SHROOM3: variants seen among roughly 807,000 people sequenced by gnomAD.
The protein encoded by SHROOM3 is shroom family member 3.
Under a neutral mutation model 138.6 loss-of-function variants are expected in SHROOM3, and 47 were observed. The observed-to-expected ratio is 0.34, with a 90% CI of 0.27 to 0.43. SHROOM3 has a LOEUF of 0.43. Among genes scored for constraint, SHROOM3 ranks in the 20% least tolerant of loss-of-function variants. The probability of loss-of-function intolerance (pLI) is 1.00; values close to 1 mark genes in which losing one functional copy is unlikely to be tolerated. For synonymous variants in SHROOM3, 1,062 were observed against 1,063.3 expected, an observed-to-expected ratio of 1.00 and a Z score of 0.02; for missense variants, 2,491 against 2,596.5, an observed-to-expected ratio of 0.96 and a Z score of 0.88.
chr4:76,752,045 C>A (rs376113149), intron 6 of SHROOM3, among the ~76,000 whole-genome samples: 3 of 152,160 alleles, frequency 2.0e-5, no homozygotes, highest in African/African-American at 7.2e-5. Context: ...TTCACAATAG[C>A]CAAGAGGTGG....
intron 2 of SHROOM3, chr4:76,689,035 T>C (rs1719417667): frequency 1.4e-6 from 1 of 722,306 alleles, no homozygotes; most frequent in East Asian, 1.3e-4. Context: ...TTACTAACTG[T>C]ATAGCCTCTG....
At chr4:76,647,867 C>G (rs778329145) in intron 2 of SHROOM3, among the ~76,000 whole-genome samples, 5 of 151,740 alleles carry the variant, frequency 3.3e-5, no homozygotes, top group South Asian at 2.1e-4. Flanking sequence ...AAGCTGCACC[C>G]CAGCCTGGGA....
chr4:76,510,693 G>T (rs1400308390), intron 1 of SHROOM3, among the ~76,000 whole-genome samples: 1 of 152,132 alleles, frequency 6.6e-6, no homozygotes, highest in East Asian at 1.9e-4. Flanking sequence ...GGCTTTTTCT[G>T]CCATGTACTT....
In SHROOM3 at chr4:76,768,809, C is replaced by T. The variant is rs1335531827; in HGVS notation, c.5350-1817C>T. On this transcript the variant is annotated intron_variant, in intron 9 of 10. Coordinates refer to ENST00000296043, the MANE Select transcript of SHROOM3 (RefSeq NM_020859.4). ...GATTACAGGCATGAGCCACTGCGCCCAGCCTGGATGTGAATTTTTTAGCCA... is the reference window on the plus strand; with the variant it reads ...GATTACAGGCATGAGCCACTGCGCCTAGCCTGGATGTGAATTTTTTAGCCA... Among the ~76,000 whole-genome samples the T allele has an allele frequency of 2.0e-5, 3 of 152,124 alleles. No individual in the cohort carries two copies. In the South Asian group the frequency reaches 6.2e-4, roughly 32 times the overall value.
chr4:76,647,063 A>C (rs1735837947), intron 2 of SHROOM3, among the ~76,000 whole-genome samples: 1 of 152,220 alleles, frequency 6.6e-6, no homozygotes, highest in Non-Finnish European at 1.5e-5. Context: ...CACATAGTGG[A>C]ATACTATTTG....
intron 2 of SHROOM3, among the ~76,000 whole-genome samples, chr4:76,561,567 A>T (rs1733596160): frequency 6.6e-6 from 1 of 151,960 alleles, no homozygotes; most frequent in African/African-American, 2.4e-5. Flanking sequence ...AGTGGCCAAA[A>T]TAAGAGTCTA....
At position 76,716,825 on chromosome 4, in the gene SHROOM3, G is replaced by A. The variant is rs542684117; in HGVS notation, c.455+6538G>A. Among the ~76,000 whole-genome samples the A allele has an allele frequency of 5.9e-5, 9 of 152,260 alleles. No homozygotes were observed. In the South Asian group the frequency reaches 1.2e-3, roughly 21 times the overall value. On this transcript the variant is annotated intron_variant, in intron 3 of 10. Transcript: ENST00000296043. ...CTTATGGGAATGGTTATATACCTAT[G>A]TACTAGTAGCCAAGTTCTCTATTCT... is the stretch of plus-strand genomic sequence containing the variant.
intron 2 of SHROOM3, among the ~76,000 whole-genome samples, chr4:76,561,747 C>T (rs1377223020): frequency 6.6e-6 from 1 of 150,558 alleles, no homozygotes; most frequent in Non-Finnish European, 1.5e-5. Flanking sequence ...TGGTGGCTCA[C>T]GTCTGTAATC....
chr4:76,553,752 C>T (rs983237938), intron 1 of SHROOM3, among the ~76,000 whole-genome samples: 3 of 152,102 alleles, frequency 2.0e-5, no homozygotes, highest in African/African-American at 7.2e-5. Context: ...CTGCCTCAGC[C>T]TCCCAAAGTG....
chr4:76,566,991 C>G (rs1052335762), intron 2 of SHROOM3, among the ~76,000 whole-genome samples: 2 of 152,192 alleles, frequency 1.3e-5, no homozygotes, highest in African/African-American at 2.4e-5. Context: ...TCTAGAGGCC[C>G]GTGCCGCTGT....
In SHROOM3 at chr4:76,608,673, T is replaced by TAGCATAGCATAGCATAGCATAGCAC. The variant is rs1734692965; in HGVS notation, c.323+52914_323+52915insTAGCATAGCATAGCATAGCACAGCA. Among the ~76,000 whole-genome samples the TAGCATAGCATAGCATAGCATAGCAC allele has an allele frequency of 1.1e-3, 121 of 108,038 alleles. 7 individuals carry two copies. The highest frequency in any genetic ancestry group is 4.0e-3 in the African/African-American group (116 of 28,672). The allele number at this position is 108,038 out of a possible 152,430, so 70.9% of individuals were successfully genotyped here. A position where few individuals can be genotyped will look rare whatever the true frequency, so the allele number is the denominator to read the frequency against. Reference sequence around the variant, plus strand: ...TAGCATAGCATAGCATAGCACAGCATAGCACAGCACAGCACAGCACAGCAC... The same window carrying TAGCATAGCATAGCATAGCATAGCAC: ...TAGCATAGCATAGCATAGCACAGCATAGCATAGCATAGCATAGCATAGCACAGCACAGCACAGCACAGCACAGCAC... On this transcript the variant is annotated intron_variant, in intron 2 of 10. Coordinates refer to ENST00000296043, the MANE Select transcript of SHROOM3 (RefSeq NM_020859.4).
At chr4:76,734,034 AG>A (rs1720958508) in intron 4 of SHROOM3, among the ~76,000 whole-genome samples, 1 of 152,198 alleles carries the variant, frequency 6.6e-6, no homozygotes, top group Admixed American at 6.5e-5. Context: ...TATGTAGTCT[AG>A]CCCCCTGACA....
Position 76,739,792 on chromosome 4 carries a change from C to A in SHROOM3, c.1619C>A (p.Ser540Tyr). The A allele has an allele frequency of 6.2e-7, 1 of 1,614,172 alleles. No individual in the cohort carries two copies. The highest frequency in any genetic ancestry group is 8.5e-7 in the Non-Finnish European group (1 of 1,180,040). Residue 540 changes from serine (S) to tyrosine (Y), a missense_variant, in exon 5 of 11, where the codon TCC becomes TAC. Transcript: ENST00000296043. ...CAGCCCTTAGAACATGACTTGCTGTCCCCAGTGGAGAAGAAACCAGAAGCT... is the reference window on the plus strand; with the variant it reads ...CAGCCCTTAGAACATGACTTGCTGTACCCAGTGGAGAAGAAACCAGAAGCT... Reference protein sequence around the residue: ...FCQPLEHDLLSPVEKKPEATA... With the variant: ...FCQPLEHDLLYPVEKKPEATA...
At chr4:76,723,298 A>C (rs2110124515) in intron 3 of SHROOM3, among the ~76,000 whole-genome samples, 1 of 151,946 alleles carries the variant, frequency 6.6e-6, no homozygotes, top group South Asian at 2.1e-4. Flanking sequence ...TCTGCTCTTC[A>C]CTCACAAGGC....
intron 2 of SHROOM3, among the ~76,000 whole-genome samples, chr4:76,575,201 A>G (rs1733914604): frequency 6.6e-6 from 1 of 152,218 alleles, no homozygotes; most frequent in Non-Finnish European, 1.5e-5. Context: ...GGAGAAACAT[A>G]CTTCAACATA....
intron 2 of SHROOM3, among the ~76,000 whole-genome samples, chr4:76,653,915 T>C (rs1031074099): frequency 3.3e-5 from 5 of 152,176 alleles, no homozygotes; most frequent in African/African-American, 1.2e-4. Context: ...TGAACTGTGC[T>C]AGGTTATGGG....
Position 76,739,258 on chromosome 4 carries a change from G to A in SHROOM3, c.1085G>A (p.Ser362Asn), listed in dbSNP as rs1217294805. 6.2e-7 allele frequency: 1 copy of A among 1,614,094 alleles called. No individual in the cohort carries two copies. Among genetic ancestry groups the A allele is most frequent in the African/African-American group, 1.3e-5 (1 of 75,058 alleles). ...AAGGGAGTGCCACCCCCATCCTGGA[G>A]CCAGCAGTGCCCCAGTTCCTTGGAG... Reference protein sequence around the residue: ...RGKGVPPPSWSQQCPSSLETA... With the variant: ...RGKGVPPPSWNQQCPSSLETA... The change falls in exon 5 of 11, where the codon AGC becomes AAC. Residue 362 changes from serine (S) to asparagine (N), a missense_variant. Ser to Asn is a conservative substitution (Grantham distance 46). Coordinates refer to ENST00000296043, the MANE Select transcript of SHROOM3 (RefSeq NM_020859.4).
intron 3 of SHROOM3, among the ~76,000 whole-genome samples, chr4:76,716,939 CAGATCTA>C (rs2110120977): frequency 6.6e-6 from 1 of 152,298 alleles, no homozygotes; most frequent in South Asian, 2.1e-4. Flanking sequence ...TTTTTTTACA[CAGATCTA>C]AGTTTCTGAT....
chr4:76,614,886 CT>C (rs1455771229), intron 2 of SHROOM3, among the ~76,000 whole-genome samples: 1 of 152,276 alleles, frequency 6.6e-6, no homozygotes, highest in African/African-American at 2.4e-5. Flanking sequence ...GGGTTGTGTC[CT>C]GAATAAGGCA....
Sources: allele counts gnomAD v4.1 joint callset (sites outside exome capture counted in the v4.1 genomes callset), GRCh38; gene constraint gnomAD v4.1.1; transcripts MANE v1.5; gene names NCBI Gene and HGNC (gene_info 2026-07-23, HGNC 2026-07-21).